The following ROBO2 variants were observed in gnomAD, a reference collection of about 807,000 sequenced individuals.
The protein encoded by ROBO2 is roundabout homolog 2.
Under a neutral mutation model 160.8 loss-of-function variants are expected in ROBO2, and 53 were observed. The ratio of observed to expected loss-of-function variants is 0.33; its 90% CI spans 0.26 to 0.41. The LOEUF is 0.41. ROBO2 is among the 10% of genes least tolerant of loss of function. The pLI, the probability that ROBO2 is intolerant of heterozygous loss-of-function variation, is 1.00. For missense variants in ROBO2, 1,577 were observed against 1,722.4 expected (o/e 0.92, Z 1.49); for synonymous variants, 664 against 611.7 (o/e 1.09, Z -1.26).
At chr3:77,265,892 A>G (rs1410974298) in intron 2 of ROBO2, among the ~76,000 whole-genome samples, 1 of 152,196 alleles carries the variant, frequency 6.6e-6, no homozygotes, top group African/African-American at 2.4e-5. Flanking sequence ...ATTTAAAGAA[A>G]TGCATAGGGT....
intron 2 of ROBO2, among the ~76,000 whole-genome samples, chr3:76,301,682 G>C (rs1178578474): frequency 1.3e-5 from 2 of 152,078 alleles, no homozygotes; most frequent in African/African-American, 4.8e-5. Context: ...GATATTCTAT[G>C]TCAGAGACTG....
chr3:77,555,078 G>A (rs932543064), intron 8 of ROBO2, among the ~76,000 whole-genome samples: 1 of 151,878 alleles, frequency 6.6e-6, no homozygotes, highest in African/African-American at 2.4e-5. Flanking sequence ...TCAGCACTGA[G>A]GCAAGATCCT....
intron 2 of ROBO2, among the ~76,000 whole-genome samples, chr3:76,568,653 G>C (rs2084763636): frequency 6.6e-6 from 1 of 151,920 alleles, no homozygotes; most frequent in African/African-American, 2.4e-5. Flanking sequence ...GAGAAATTCT[G>C]GTAGTATTTC....
At chr3:76,566,304 A>G (rs950563911) in intron 2 of ROBO2, among the ~76,000 whole-genome samples, 2 of 152,174 alleles carry the variant, frequency 1.3e-5, no homozygotes, top group African/African-American at 4.8e-5. Flanking sequence ...TAAAATTAGA[A>G]TCATCTGGGC....
At chr3:77,136,887 G>A (rs1017112308) in intron 2 of ROBO2, among the ~76,000 whole-genome samples, 65 of 152,120 alleles carry the variant, frequency 4.3e-4, no homozygotes, top group African/African-American at 8.2e-4. Flanking sequence ...CGCCCGCCTC[G>A]GCCTTCCAAA....
intron 1 of ROBO2, among the ~76,000 whole-genome samples, chr3:77,048,326 C>A (rs1158068702): frequency 6.6e-6 from 1 of 151,984 alleles, no homozygotes; most frequent in African/African-American, 2.4e-5. Context: ...GTGGCCTCGC[C>A]TACACAGCTG....
intron 2 of ROBO2, among the ~76,000 whole-genome samples, chr3:76,525,918 GAAAC>G (rs1296620286): frequency 2.0e-5 from 3 of 151,954 alleles, no homozygotes; most frequent in Admixed American, 6.6e-5. Flanking sequence ...TTAGAAAGCA[GAAAC>G]AGACAGTGCC....
chr3:77,555,144 AATAAAG>A (rs895893421), intron 8 of ROBO2, among the ~76,000 whole-genome samples: 1 of 152,012 alleles, frequency 6.6e-6, no homozygotes, highest in African/African-American at 2.4e-5. Context: ...ATTTTTTAGC[AATAAAG>A]TATTTTTAAG....
intron 2 of ROBO2, among the ~76,000 whole-genome samples, chr3:76,645,954 G>C (rs982015413): frequency 1.3e-5 from 2 of 152,164 alleles, no homozygotes; most frequent in African/African-American, 4.8e-5. Context: ...TGTCTTGTTT[G>C]TATTTAAGTG....
At chr3:77,203,100 C>A (rs553498752) in intron 2 of ROBO2, among the ~76,000 whole-genome samples, 1 of 152,162 alleles carries the variant, frequency 6.6e-6, no homozygotes, top group Admixed American at 6.5e-5. Context: ...CCTATCATGA[C>A]GTTTTGTTTT....
At chr3:76,956,566 A>AG (rs1343230350) in intron 2 of ROBO2, among the ~76,000 whole-genome samples, 10 of 151,710 alleles carry the variant, frequency 6.6e-5, no homozygotes, top group South Asian at 2.1e-4. Flanking sequence ...CAAAAAAAAA[A>AG]AAAAAGAAAA....
intron 2 of ROBO2, among the ~76,000 whole-genome samples, chr3:76,013,798 A>G (rs1016111317): frequency 2.6e-5 from 4 of 151,360 alleles, no homozygotes; most frequent in African/African-American, 9.7e-5. Context: ...TAATATGTAT[A>G]AAGGCATTTG....
intron 2 of ROBO2, among the ~76,000 whole-genome samples, chr3:76,168,688 G>C (rs189226479): frequency 6.6e-6 from 1 of 151,972 alleles, no homozygotes; most frequent in African/African-American, 2.4e-5. Flanking sequence ...ATTAACACAA[G>C]CATCTTAACT....
At chr3:77,103,758 G>A (rs1007305520) in intron 2 of ROBO2, among the ~76,000 whole-genome samples, 1 of 152,148 alleles carries the variant, frequency 6.6e-6, no homozygotes, top group Admixed American at 6.5e-5. Context: ...CAAACATAAT[G>A]CTCCTGTTTG....
chr3:77,500,793 G>T (rs1031667151), intron 5 of ROBO2, among the ~76,000 whole-genome samples: 1 of 152,164 alleles, frequency 6.6e-6, no homozygotes, highest in Non-Finnish European at 1.5e-5. Context: ...CTACGGTGGG[G>T]AGTGCAAGTT....
chr3:76,604,903 A>G (rs988650850), intron 2 of ROBO2, among the ~76,000 whole-genome samples: 1 of 152,190 alleles, frequency 6.6e-6, no homozygotes, highest in Admixed American at 6.5e-5. Context: ...AATCAAATAG[A>G]TAGCTTTTAC....
At chr3:77,510,451 G>GATTTCAAAGGCAGAGCC (rs2089248203) in intron 5 of ROBO2, among the ~76,000 whole-genome samples, 3 of 152,028 alleles carry the variant, frequency 2.0e-5, no homozygotes, top group African/African-American at 7.2e-5. Flanking sequence ...TTGAACCTCA[G>GATTTCAAAGGCAGAGCC]ATTTCAAAGG....
chr3:77,459,862 G>C (rs1005012080), intron 2 of ROBO2, among the ~76,000 whole-genome samples: 1 of 146,770 alleles, frequency 6.8e-6, no homozygotes, highest in Non-Finnish European at 1.5e-5. Context: ...TAGATACTAC[G>C]AGATGAGAGG....
rs1222349814 is a variant in ROBO2 at position 77,589,074 on chromosome 3, A to G, written c.2683+141A>G. The G allele has an allele frequency of 3.4e-6, 3 of 890,272 alleles. No individual in the cohort carries two copies. In the East Asian group the frequency reaches 7.8e-5, roughly 23 times the overall value. 55.1% of individuals were successfully genotyped at this position (890,272 alleles called of 1,614,324 possible). A position where few individuals can be genotyped will look rare whatever the true frequency, so the allele number is the denominator to read the frequency against. On this transcript the variant is annotated intron_variant, in intron 17 of 25. Transcript: ENST00000461745. ...ACTGTAAAATGCAATTACACTCAAC[A>G]TGCTTTAATGCATTGCTCTTGACCT...
Sources: gnomAD v4.1 joint callset for allele counts (sites outside exome capture counted in the v4.1 genomes callset) on GRCh38, gnomAD v4.1.1 for gene constraint, MANE v1.5 for transcripts, NCBI Gene and HGNC (gene_info 2026-07-23, HGNC 2026-07-21) for gene names.